BCKDHB: variants seen among roughly 807,000 people sequenced by gnomAD.
BCKDHB encodes branched chain keto acid dehydrogenase E1 subunit beta.
Under a neutral mutation model 48.5 loss-of-function variants are expected in BCKDHB, and 41 were observed. The ratio of observed to expected loss-of-function variants is 0.85; its 90% CI spans 0.66 to 1.10. BCKDHB has a LOEUF of 1.10. BCKDHB is among the 50% of genes least tolerant of loss of function. The probability of loss-of-function intolerance (pLI) is 0.00; values close to 1 mark genes in which losing one functional copy is unlikely to be tolerated. For missense variants in BCKDHB, 496 were observed against 494.2 expected (o/e 1.00, Z -0.03); for synonymous variants, 201 against 174.8 (o/e 1.15, Z -1.18).
the BCKDHB span, among the ~76,000 whole-genome samples, chr6:80,434,708 A>G: frequency 1.3e-5 from 2 of 152,092 alleles, no homozygotes; most frequent in Admixed American, 1.3e-4. Flanking sequence ...AGCTAATTTC[A>G]TTCTGCTCCT....
the BCKDHB span, among the ~76,000 whole-genome samples, chr6:80,427,570 A>T: frequency 6.6e-6 from 1 of 152,106 alleles, no homozygotes; most frequent in African/African-American, 2.4e-5. Context: ...TCTTTCCTAT[A>T]GATTTTAGTT....
chr6:80,109,878 A>G (rs2127704675), intron 1 of BCKDHB, among the ~76,000 whole-genome samples: 1 of 152,308 alleles, frequency 6.6e-6, no homozygotes, highest in East Asian at 1.9e-4. Context: ...CAGAAATGTT[A>G]GTACTTACCC....
chr6:80,301,538 C>T (rs1166182217), intron 9 of BCKDHB, among the ~76,000 whole-genome samples: 6 of 152,008 alleles, frequency 3.9e-5, no homozygotes. Flanking sequence ...CATTAAGCGC[C>T]ATGAACCAGA....
chr6:80,425,557 C>G, the BCKDHB span, among the ~76,000 whole-genome samples: 1 of 152,138 alleles, frequency 6.6e-6, no homozygotes, highest in African/African-American at 2.4e-5. Flanking sequence ...ACGGAAAGAT[C>G]TAAAATAGCA....
At chr6:80,170,007 T>C in intron 5 of BCKDHB, 1 of 1,142,930 alleles carries the variant, frequency 8.7e-7, no homozygotes, top group South Asian at 3.7e-5. Flanking sequence ...CCCTGCCTTC[T>C]CTTTTCCTCC....
the BCKDHB span, among the ~76,000 whole-genome samples, chr6:80,412,271 G>A: frequency 5.9e-5 from 9 of 151,390 alleles, no homozygotes; most frequent in Non-Finnish European, 8.8e-5. Context: ...AGCCTCTTGA[G>A]TAGCTGGGAC....
At chr6:80,107,356 A>C (rs1303257005) in intron 1 of BCKDHB, among the ~76,000 whole-genome samples, 1 of 146,386 alleles carries the variant, frequency 6.8e-6, no homozygotes, top group African/African-American at 2.5e-5. Context: ...TAAAATATAT[A>C]TATGTATATA....
At chr6:80,162,945 C>T (rs1772392229) in intron 3 of BCKDHB, among the ~76,000 whole-genome samples, 1 of 151,144 alleles carries the variant, frequency 6.6e-6, no homozygotes, top group African/African-American at 2.4e-5. Flanking sequence ...TTTTTTAAGA[C>T]AGAATTTCAC....
In BCKDHB at chr6:80,128,355, G is replaced by A. The variant is rs568318515; in HGVS notation, c.274+731G>A. Among the ~76,000 whole-genome samples, 93 of 152,154 alleles carry A rather than the reference G, an allele frequency of 6.1e-4. 1 individual carries two copies. The Middle Eastern group carries it at 0.031, about 50-fold the overall frequency. On this transcript the variant is annotated intron_variant, in intron 2 of 9. Transcript: ENST00000320393. Reference sequence around the variant, plus strand: ...TTGATTTGTTTTGAATGCTACTTGCGGATGATTGAACTAGAGAAGTAAATT... The same window carrying A: ...TTGATTTGTTTTGAATGCTACTTGCAGATGATTGAACTAGAGAAGTAAATT...
Position 80,109,290 on chromosome 6 carries a change from CTGTT to C in BCKDHB, c.196+2404_196+2407del, listed in dbSNP as rs1325725523. Among the ~76,000 whole-genome samples, 5 of 152,198 alleles carry C rather than the reference CTGTT, an allele frequency of 3.3e-5. No homozygotes were observed. In the South Asian group the frequency reaches 6.2e-4, roughly 19 times the overall value. ...AACAATGTCTATAATATACTTAACA[CTGTT>C]TGACAACTGAGAATCAAGCATTCAG... On this transcript the variant is annotated intron_variant, in intron 1 of 9. Transcript: ENST00000320393.
At chr6:80,435,699 A>C in the BCKDHB span, among the ~76,000 whole-genome samples, 7,638 of 152,226 alleles carry the variant, frequency 0.05, 585 homozygotes, top group African/African-American at 0.16. Context: ...ATATATACTG[A>C]AGCTGAAGTG....
intron 9 of BCKDHB, among the ~76,000 whole-genome samples, chr6:80,329,059 A>T (rs374432369): frequency 2.3e-4 from 35 of 152,314 alleles, no homozygotes; most frequent in East Asian, 9.6e-4. Flanking sequence ...TGGGAAATTG[A>T]TATCTTTAAG....
intron 8 of BCKDHB, among the ~76,000 whole-genome samples, chr6:80,269,757 T>C (rs1275389983): frequency 6.6e-6 from 1 of 152,182 alleles, no homozygotes; most frequent in Admixed American, 6.6e-5. Context: ...AAATTTATTT[T>C]ATTTGGAAGA....
intron 8 of BCKDHB, among the ~76,000 whole-genome samples, chr6:80,232,658 T>G (rs542158865): frequency 7.0e-5 from 8 of 114,910 alleles, no homozygotes; most frequent in Non-Finnish European, 1.2e-4. Context: ...CACCTGTAAA[T>G]AAAATTATTT....
intron 6 of BCKDHB, among the ~76,000 whole-genome samples, chr6:80,174,535 C>T (rs1773063999): frequency 6.6e-6 from 1 of 152,114 alleles, no homozygotes; most frequent in Non-Finnish European, 1.5e-5. Context: ...TTTCCACCCA[C>T]ATTTAGTTGA....
At chr6:80,427,399 A>G in the BCKDHB span, among the ~76,000 whole-genome samples, 6 of 152,070 alleles carry the variant, frequency 3.9e-5, no homozygotes, top group East Asian at 1.9e-4. Flanking sequence ...CCTTTTTGCT[A>G]TTATAGTCAT....
chr6:80,319,326 G>A (rs529038042), intron 9 of BCKDHB, among the ~76,000 whole-genome samples: 3 of 152,264 alleles, frequency 2.0e-5, no homozygotes, highest in South Asian at 4.2e-4. Context: ...TCCATTAGTA[G>A]TACCCAACTT....
Position 80,195,869 on chromosome 6 carries a change from G to T in BCKDHB, c.743-5065G>T, listed in dbSNP as rs145095360. On this transcript the variant is annotated intron_variant, in intron 6 of 9. Coordinates refer to ENST00000320393, the MANE Select transcript of BCKDHB (RefSeq NM_183050.4). Reference sequence around the variant, plus strand: ...TCTCAGGTATGGAGACTTCAAATATGCTGCTGTAATCAGACAGCATGAGCT... The same window carrying T: ...TCTCAGGTATGGAGACTTCAAATATTCTGCTGTAATCAGACAGCATGAGCT... Among the ~76,000 whole-genome samples the T allele has an allele frequency of 1.2e-4, 19 of 152,222 alleles. No individual in the cohort carries two copies. In the East Asian group the frequency reaches 2.1e-3, roughly 17 times the overall value.
At chr6:80,449,417 T>G in the BCKDHB span, among the ~76,000 whole-genome samples, 3 of 152,134 alleles carry the variant, frequency 2.0e-5, no homozygotes, top group Admixed American at 1.3e-4. Flanking sequence ...CAAGGCCTTG[T>G]GCTGTTGGAG....
Sources: allele counts gnomAD v4.1 joint callset (sites outside exome capture counted in the v4.1 genomes callset), GRCh38; gene constraint gnomAD v4.1.1; transcripts MANE v1.5; gene names NCBI Gene and HGNC (gene_info 2026-07-23, HGNC 2026-07-21).